Variants in MAK observed in about 807,000 individuals in gnomAD.
MAK encodes the protein serine/threonine-protein kinase MAK.
Under a neutral mutation model 82.6 loss-of-function variants are expected in MAK, and 65 were observed. The ratio of observed to expected loss-of-function variants is 0.79; its 90% CI spans 0.64 to 0.97. The LOEUF (loss-of-function observed/expected upper bound fraction) is 0.97, where lower values mean the gene tolerates loss of function less well. Ranked by LOEUF, MAK falls within the 50% of genes least tolerant of loss-of-function variation. The probability of loss-of-function intolerance (pLI) is 0.00; values close to 1 mark genes in which losing one functional copy is unlikely to be tolerated. For missense variants in MAK, 703 were observed against 780.2 expected (o/e 0.90, Z 1.18); for synonymous variants, 250 against 274.2 (o/e 0.91, Z 0.87).
At chr6:10,769,050 A>G (rs1295029206) in intron 14 of MAK, among the ~76,000 whole-genome samples, 3 of 152,178 alleles carry the variant, frequency 2.0e-5, no homozygotes, top group Non-Finnish European at 4.4e-5. Context: ...TCCCTACAAA[A>G]AACATTTTTT....
intron 5 of MAK, among the ~76,000 whole-genome samples, chr6:10,809,695 A>C (rs1252502316): frequency 6.6e-6 from 1 of 152,224 alleles, no homozygotes; most frequent in Non-Finnish European, 1.5e-5. Context: ...AGTTTTCCTC[A>C]ATAGCTGTGT....
At chr6:10,767,808 A>C (rs1772600659) in intron 14 of MAK, among the ~76,000 whole-genome samples, 3 of 151,244 alleles carry the variant, frequency 2.0e-5, no homozygotes, top group Admixed American at 6.6e-5. Flanking sequence ...AAAAAAAAAA[A>C]AAACAAAAAC....
intron 11 of MAK, among the ~76,000 whole-genome samples, chr6:10,777,420 A>C (rs1773556983): frequency 1.3e-5 from 2 of 152,154 alleles, no homozygotes; most frequent in Non-Finnish European, 2.9e-5. Context: ...AAAAAAAAAA[A>C]AAATGTATTT....
chr6:10,773,460 A>G (rs1314945057), intron 12 of MAK, among the ~76,000 whole-genome samples: 2 of 152,216 alleles, frequency 1.3e-5, no homozygotes, highest in Non-Finnish European at 2.9e-5. Context: ...ACTTGTAAAA[A>G]GCCCAAATAT....
At position 10,791,726 on chromosome 6, in the gene MAK, T is replaced by G. The variant is rs1775105518; in HGVS notation, c.1265A>C (p.Lys422Thr). 6.2e-7 allele frequency: 1 copy of G among 1,614,136 alleles called. No individual in the cohort carries two copies. The highest frequency in any genetic ancestry group is 8.5e-7 in the Non-Finnish European group (1 of 1,180,000). Residue 422 changes from lysine to threonine, a missense_variant, in exon 10 of 15, where the codon AAG becomes ACG. Physicochemically the swap from Lys to Thr is moderately conservative, Grantham distance 78 (BLOSUM62 -1). Transcript: ENST00000354489. ...TTCTTTAAAAACACCCATGCTTGGC[T>G]TCTTGGAATGGGAGGCTCCGAAATC... ...DYDFGASHSK[K>T]PSMGVFKEKR... is the part of the protein sequence containing the mutation.
At chr6:10,771,772 T>G (rs1280081412) in intron 13 of MAK, among the ~76,000 whole-genome samples, 1 of 152,250 alleles carries the variant, frequency 6.6e-6, no homozygotes, top group East Asian at 1.9e-4. Flanking sequence ...TATACATGTT[T>G]AACCCTACTG....
rs138795058 is a variant in MAK at position 10,808,825 on chromosome 6, T to C, written c.476A>G (p.Tyr159Cys). The change falls in exon 6 of 15, where the codon TAT becomes TGT. Residue 159 changes from tyrosine to cysteine, a missense_variant. Physicochemically the swap from Tyr to Cys is radical, Grantham distance 194. Coordinates refer to ENST00000354489, the MANE Select transcript of MAK (RefSeq NM_001242957.3). ...ELRSQPPYTDYVSTRWYRAPE... is the reference protein window; with the variant it reads ...ELRSQPPYTDCVSTRWYRAPE... ...CCCTACTCACCATCTGGTAGATACA[T>C]AATCAGTGTATGGTGGCTGTGACCT... 1.2e-6 allele frequency: 2 copies of C among 1,614,056 alleles called. No individual in the cohort carries two copies. The highest frequency in any genetic ancestry group is 1.7e-6 in the Non-Finnish European group (2 of 1,179,960).
intron 14 of MAK, among the ~76,000 whole-genome samples, chr6:10,764,838 G>A (rs489662): frequency 0.83 from 126,516 of 152,180 alleles, 52,988 homozygotes; most frequent in African/African-American, 0.93. Context: ...CCTGCCTGTA[G>A]TCCTAGCACT....
chr6:10,795,536 A>G (rs1195867156), intron 9 of MAK, among the ~76,000 whole-genome samples: 3 of 152,160 alleles, frequency 2.0e-5, no homozygotes, highest in Non-Finnish European at 4.4e-5. Flanking sequence ...TGCAGTCAGG[A>G]ACTCAAGACC....
intron 12 of MAK, among the ~76,000 whole-genome samples, chr6:10,774,545 G>A (rs1773304708): frequency 6.6e-6 from 1 of 152,050 alleles, no homozygotes; most frequent in South Asian, 2.1e-4. Context: ...TGATAGCTTT[G>A]CCACTCTATT....
chr6:10,787,180 C>T (rs926706174), intron 10 of MAK, among the ~76,000 whole-genome samples: 4 of 152,146 alleles, frequency 2.6e-5, no homozygotes, highest in Admixed American at 6.5e-5. Context: ...TTCACCACTC[C>T]GCTAATTCAC....
chr6:10,833,551 G>A (rs892108311), intron 1 of MAK, among the ~76,000 whole-genome samples: 5 of 152,028 alleles, frequency 3.3e-5, no homozygotes, highest in Non-Finnish European at 7.4e-5. Context: ...GTTGCAGTGA[G>A]CCAAGATTGC....
At chr6:10,822,910 T>A (rs1778071953) in intron 2 of MAK, among the ~76,000 whole-genome samples, 1 of 152,066 alleles carries the variant, frequency 6.6e-6, no homozygotes, top group African/African-American at 2.4e-5. Flanking sequence ...TTAAAAAAAA[T>A]TGCAGAAAAG....
In MAK at chr6:10,772,263, T is replaced by G. The variant is rs1194905833; in HGVS notation, c.1672+771A>C. Among the ~76,000 whole-genome samples, 5 of 152,330 alleles carry G rather than the reference T, an allele frequency of 3.3e-5. No individual in the cohort carries two copies. The East Asian group carries it at 9.6e-4, about 29-fold the overall frequency. On this transcript the variant is annotated intron_variant, in intron 13 of 14. Transcript: ENST00000354489. ...TGAATTTTCAGATTGCAGCCAGTTG[T>G]TAGCACTGTTGAAACCAGTAACACT...
chr6:10,817,835 T>G lies in MAK; in HGVS notation c.278+15A>C, dbSNP rs770919189. The G allele has an allele frequency of 6.8e-7, 1 of 1,478,148 alleles. No individual in the cohort carries two copies. The highest frequency in any genetic ancestry group is 1.8e-4 in the Middle Eastern group (1 of 5,584). 91.6% of individuals were successfully genotyped at this position (1,478,148 alleles called of 1,614,324 possible). A position where few individuals can be genotyped will look rare whatever the true frequency, so the allele number is the denominator to read the frequency against. On this transcript the variant is annotated intron_variant, in intron 4 of 14. Transcript: ENST00000354489. ...ATGGAGAGAATAACAGGGAAAAACA[T>G]GAATAAAAACATACCTGTCTTTCAT...
chr6:10,773,322 G>A (rs948101868), intron 12 of MAK, among the ~76,000 whole-genome samples: 2 of 152,148 alleles, frequency 1.3e-5, no homozygotes, highest in Non-Finnish European at 1.5e-5. Context: ...TTGAATTTGT[G>A]TAACTGGTTG....
chr6:10,813,593 T>C (rs1185632253), intron 5 of MAK, 51 bp downstream of exon 5: 1 of 1,006,198 alleles, frequency 9.9e-7, no homozygotes, highest in South Asian at 1.3e-5. Flanking sequence ...GTATGCACAA[T>C]CTGGACAGTA....
intron 2 of MAK, among the ~76,000 whole-genome samples, chr6:10,828,053 C>T (rs1315529544): frequency 2.0e-5 from 3 of 152,048 alleles, no homozygotes; most frequent in Non-Finnish European, 4.4e-5. Flanking sequence ...CAAATGAGCA[C>T]TGAATTTTAT....
intron 10 of MAK, among the ~76,000 whole-genome samples, chr6:10,789,856 A>T (rs761383024): frequency 1.3e-5 from 2 of 152,154 alleles, no homozygotes; most frequent in East Asian, 1.9e-4. Flanking sequence ...AGGTTTCACC[A>T]TGTTGGCCAG....
Sources: gnomAD v4.1 joint callset for allele counts (sites outside exome capture counted in the v4.1 genomes callset) on GRCh38, gnomAD v4.1.1 for gene constraint, MANE v1.5 for transcripts, NCBI Gene and HGNC (gene_info 2026-07-23, HGNC 2026-07-21) for gene names.